The following RFX4 variants were observed in gnomAD, a reference collection of about 807,000 sequenced individuals.
RFX4 encodes the protein transcription factor RFX4.
A neutral mutation model predicts 95.0 loss-of-function variants in RFX4; 10 were observed. The observed-to-expected ratio is 0.11, with a 90% CI of 0.06 to 0.18. The LOEUF (loss-of-function observed/expected upper bound fraction) is 0.18. RFX4 is among the 10% of genes least tolerant of loss of function. The pLI is 1.00. For synonymous variants in RFX4, 321 were observed against 340.7 expected, an observed-to-expected ratio of 0.94 and a Z score of 0.64; for missense variants, 640 against 922.0, an observed-to-expected ratio of 0.69 and a Z score of 3.96.
intron 1 of RFX4, among the ~76,000 whole-genome samples, chr12:106,595,223 C>T (rs760036709): frequency 1.3e-5 from 2 of 152,150 alleles, no homozygotes; most frequent in African/African-American, 4.8e-5. Flanking sequence ...AGTGTCAAAC[C>T]AGGATTTGAA....
At chr12:106,744,746 G>A (rs2042862728) in intron 15 of RFX4, among the ~76,000 whole-genome samples, 1 of 152,162 alleles carries the variant, frequency 6.6e-6, no homozygotes, top group South Asian at 2.1e-4. Context: ...GGCACAAAGT[G>A]TGTGGGTTCA....
chr12:106,617,365 C>T (rs2040094264), intron 2 of RFX4, among the ~76,000 whole-genome samples: 1 of 152,116 alleles, frequency 6.6e-6, no homozygotes, highest in African/African-American at 2.4e-5. Context: ...CTAAGATATA[C>T]ATTTAAAGTC....
In RFX4 at chr12:106,586,916, G is replaced by A. The variant is rs1565940652; in HGVS notation, c.43+3553G>A. 6.6e-6 allele frequency among the ~76,000 whole-genome samples: 1 copy of A among 152,318 alleles called. No individual in the cohort carries two copies. Among genetic ancestry groups the A allele is most frequent in the East Asian group, 1.9e-4 (1 of 5,162 alleles). Reference sequence around the variant, plus strand: ...TGCGGGCTTGGGAGAGCAAGGAGCCGGAGGTCCGAGCCTTGCTCCAGCGCC... The same window carrying A: ...TGCGGGCTTGGGAGAGCAAGGAGCCAGAGGTCCGAGCCTTGCTCCAGCGCC... On this transcript the variant is annotated intron_variant, in intron 1 of 17. Coordinates refer to ENST00000392842, the MANE Select transcript of RFX4 (RefSeq NM_213594.3). This position sits in a 1 kb window ranked among gnomAD's most constrained non-coding sequence, Gnocchi z 5.6.
chr12:106,665,144 T>G (rs1291627153), intron 4 of RFX4, among the ~76,000 whole-genome samples: 2 of 151,856 alleles, frequency 1.3e-5, no homozygotes, highest in Admixed American at 6.6e-5. Flanking sequence ...CTATTAGTTT[T>G]GGCCTTATAT....
intron 1 of RFX4, among the ~76,000 whole-genome samples, chr12:106,607,186 G>A (rs2039854538): frequency 1.3e-5 from 2 of 152,146 alleles, no homozygotes; most frequent in South Asian, 2.1e-4. Flanking sequence ...TACCCCATAT[G>A]CCTTCCTAAA....
At chr12:106,674,803 G>A (rs1478498411) in intron 4 of RFX4, among the ~76,000 whole-genome samples, 2 of 152,176 alleles carry the variant, frequency 1.3e-5, no homozygotes, top group African/African-American at 4.8e-5. Flanking sequence ...TCAGTGCCTA[G>A]CAAAATGTCC....
At chr12:106,593,341 CTAAG>C (rs1227624718) in intron 1 of RFX4, among the ~76,000 whole-genome samples, 4 of 152,182 alleles carry the variant, frequency 2.6e-5, no homozygotes, top group African/African-American at 9.7e-5. Flanking sequence ...TAGACACAAC[CTAAG>C]TGAGACTGCT....
chr12:106,758,188 T>G (rs568519501), intron 17 of RFX4, among the ~76,000 whole-genome samples: 1 of 151,836 alleles, frequency 6.6e-6, no homozygotes, highest in African/African-American at 2.4e-5. Flanking sequence ...GTGAGGCGGG[T>G]GCCACGGGCC....
intron 3 of RFX4, among the ~76,000 whole-genome samples, chr12:106,648,178 G>T (rs2040785836): frequency 6.6e-6 from 1 of 152,208 alleles, no homozygotes; most frequent in African/African-American, 2.4e-5. Flanking sequence ...ATGGGGTTGA[G>T]TGTGCACTGA....
intron 9 of RFX4, among the ~76,000 whole-genome samples, chr12:106,710,227 G>A (rs2042165903): frequency 6.6e-6 from 1 of 152,098 alleles, no homozygotes. Flanking sequence ...CAAAATAAGT[G>A]CCAGTGAACA....
At chr12:106,723,300 T>C (rs2042429558) in intron 13 of RFX4, among the ~76,000 whole-genome samples, 1 of 152,222 alleles carries the variant, frequency 6.6e-6, no homozygotes, top group African/African-American at 2.4e-5. Flanking sequence ...TTAGTCCTAA[T>C]GAAGCAGAGC....
rs144309207 is a variant in RFX4 at position 106,601,710 on chromosome 12, G to A, written c.44-7087G>A. Among the ~76,000 whole-genome samples the A allele has an allele frequency of 7.6e-3, 1,160 of 152,282 alleles. 14 individuals are homozygous for A. The highest frequency in any genetic ancestry group is 0.026 in the African/African-American group (1,093 of 41,540). ...GCTCCCAGCTGCCTGCAGGCTTCGCGGCCTGGTGGGCCCGGCGGGCAAGGC... is the reference window on the plus strand; with the variant it reads ...GCTCCCAGCTGCCTGCAGGCTTCGCAGCCTGGTGGGCCCGGCGGGCAAGGC... On this transcript the variant is annotated intron_variant, in intron 1 of 17. Coordinates refer to ENST00000392842, the MANE Select transcript of RFX4 (RefSeq NM_213594.3).
chr12:106,592,524 C>T (rs1385952739), intron 1 of RFX4, among the ~76,000 whole-genome samples: 4 of 152,146 alleles, frequency 2.6e-5, no homozygotes, highest in Non-Finnish European at 5.9e-5. Flanking sequence ...TGTTGCACAA[C>T]CCTGATCGAG....
intron 16 of RFX4, among the ~76,000 whole-genome samples, chr12:106,749,349 G>C (rs555083458): frequency 8.6e-5 from 13 of 151,852 alleles, no homozygotes; most frequent in African/African-American, 2.9e-4. Flanking sequence ...AGTTGTGGGG[G>C]ACATGGGAGG....
intron 1 of RFX4, among the ~76,000 whole-genome samples, chr12:106,592,174 G>C (rs761868691): frequency 1.5e-4 from 22 of 148,738 alleles, no homozygotes; most frequent in Non-Finnish European, 1.2e-4. Context: ...CTTTATTCTA[G>C]GTGTCTAGTT....
intron 3 of RFX4, among the ~76,000 whole-genome samples, chr12:106,641,159 C>A (rs2040615183): frequency 6.6e-6 from 1 of 152,146 alleles, no homozygotes; most frequent in Non-Finnish European, 1.5e-5. Flanking sequence ...AGAAGAAAAT[C>A]ACTTTGTTCA....
chr12:106,622,529 T>C (rs973200272), intron 2 of RFX4, among the ~76,000 whole-genome samples: 22 of 152,184 alleles, frequency 1.4e-4, no homozygotes, highest in African/African-American at 5.1e-4. Context: ...AGGTGGCTTA[T>C]GATTATGAGC....
At chr12:106,756,120 G>C (rs967641837) in intron 17 of RFX4, among the ~76,000 whole-genome samples, 1 of 152,176 alleles carries the variant, frequency 6.6e-6, no homozygotes. Context: ...GACTTAGTGA[G>C]TCCAGATGAA....
At chr12:106,659,656 A>G (rs889198116) in intron 4 of RFX4, among the ~76,000 whole-genome samples, 1 of 152,202 alleles carries the variant, frequency 6.6e-6, no homozygotes. Context: ...TAGTCCTCTA[A>G]ATAACTCTAT....
Sources: allele counts gnomAD v4.1 joint callset (sites outside exome capture counted in the v4.1 genomes callset), GRCh38; gene constraint gnomAD v4.1.1; non-coding constraint Gnocchi (gnomAD v3.1); transcripts MANE v1.5; gene names NCBI Gene and HGNC (gene_info 2026-07-23, HGNC 2026-07-21).